KIF26B: variants seen among roughly 807,000 people sequenced by gnomAD.
KIF26B encodes the protein kinesin-like protein KIF26B.
Under a neutral mutation model 151.2 loss-of-function variants are expected in KIF26B, and 63 were observed. That is an observed-to-expected ratio of 0.42 (90% confidence interval 0.34 to 0.51). The LOEUF (loss-of-function observed/expected upper bound fraction) is 0.51, where lower values mean the gene tolerates loss of function less well. Among genes scored for constraint, KIF26B ranks in the 20% least tolerant of loss-of-function variants. The probability of loss-of-function intolerance (pLI) is 0.07; values close to 1 mark genes in which losing one functional copy is unlikely to be tolerated. For synonymous variants in KIF26B, 1,357 were observed against 1,262.1 expected (o/e 1.08, Z -1.59); for missense variants, 2,813 against 2,913.6 (o/e 0.97, Z 0.79).
At chr1:245,369,373 G>A (rs1254565406) in intron 3 of KIF26B, among the ~76,000 whole-genome samples, 1 of 152,312 alleles carries the variant, frequency 6.6e-6, no homozygotes, top group East Asian at 1.9e-4. Context: ...AAATGTGGTT[G>A]ATAAAATGCC....
At chr1:245,312,893 G>A (rs1055483591) in intron 2 of KIF26B, among the ~76,000 whole-genome samples, 3 of 152,152 alleles carry the variant, frequency 2.0e-5, no homozygotes, top group African/African-American at 7.2e-5. Flanking sequence ...CGGGCGCCGT[G>A]GCTCAGGACT....
chr1:245,504,981 C>T (rs909350838), intron 4 of KIF26B, among the ~76,000 whole-genome samples: 2 of 152,182 alleles, frequency 1.3e-5, no homozygotes, highest in Admixed American at 6.5e-5. Flanking sequence ...CTCTGTCACC[C>T]AGGCTGGAGT....
intron 2 of KIF26B, among the ~76,000 whole-genome samples, chr1:245,272,434 T>C (rs1369158936): frequency 6.6e-6 from 1 of 152,162 alleles, no homozygotes; most frequent in Non-Finnish European, 1.5e-5. Flanking sequence ...AAACAGATCA[T>C]TAATTTTGTT....
chr1:245,258,051 C>T (rs1396554145), intron 2 of KIF26B, among the ~76,000 whole-genome samples: 3 of 151,966 alleles, frequency 2.0e-5, no homozygotes, highest in Non-Finnish European at 2.9e-5. Flanking sequence ...AGAAGCTTCT[C>T]GATCTTGTCA....
chr1:245,519,008 G>A (rs951705637), intron 4 of KIF26B, among the ~76,000 whole-genome samples: 2 of 152,122 alleles, frequency 1.3e-5, no homozygotes, highest in African/African-American at 4.8e-5. Flanking sequence ...TAAGATACTG[G>A]CTTTACCCCG....
At chr1:245,365,210 G>A (rs781509527) in intron 2 of KIF26B, among the ~76,000 whole-genome samples, 15 of 152,184 alleles carry the variant, frequency 9.9e-5, no homozygotes, top group East Asian at 3.9e-4. Context: ...CGAGGAGGAC[G>A]CCTCGAGACA....
intron 5 of KIF26B, among the ~76,000 whole-genome samples, chr1:245,577,705 T>C (rs113279907): frequency 1.2e-3 from 118 of 101,936 alleles, no homozygotes; most frequent in East Asian, 1.5e-3. Context: ...GCGATGCATC[T>C]CCTCACCGGA....
intron 2 of KIF26B, among the ~76,000 whole-genome samples, chr1:245,229,900 C>T (rs894187810): frequency 8.5e-5 from 13 of 152,050 alleles, no homozygotes; most frequent in South Asian, 6.2e-4. Flanking sequence ...TTTGGGAGGC[C>T]GAGGTGGGCG....
chr1:245,344,774 C>T (rs1456407746), intron 2 of KIF26B, among the ~76,000 whole-genome samples: 2 of 152,096 alleles, frequency 1.3e-5, no homozygotes, highest in East Asian at 3.9e-4. Context: ...AGACAGACTG[C>T]ATACCGCGGC....
At chr1:245,236,958 G>A (rs7547212) in intron 2 of KIF26B, among the ~76,000 whole-genome samples, 55,896 of 151,992 alleles carry the variant, frequency 0.37, 10,637 homozygotes, top group East Asian at 0.62. Context: ...GAAGTAAAGT[G>A]ACTTGTCTGA....
intron 2 of KIF26B, among the ~76,000 whole-genome samples, chr1:245,184,587 T>C (rs938693151): frequency 1.3e-5 from 2 of 152,240 alleles, no homozygotes; most frequent in Admixed American, 6.5e-5. Flanking sequence ...TCATCTGTCC[T>C]GTGTAAAAAT....
chr1:245,161,696 C>T (rs917614543), intron 2 of KIF26B, among the ~76,000 whole-genome samples: 2 of 152,094 alleles, frequency 1.3e-5, no homozygotes, highest in South Asian at 4.1e-4. Context: ...CTTTTTTACC[C>T]TGGAATTCCA....
At chr1:245,401,964 A>G (rs1254400670) in intron 3 of KIF26B, among the ~76,000 whole-genome samples, 1 of 152,048 alleles carries the variant, frequency 6.6e-6, no homozygotes, top group Non-Finnish European at 1.5e-5. Flanking sequence ...AAAACACCCC[A>G]CTGCAAATAG....
At chr1:245,568,479 C>T (rs893550717) in intron 5 of KIF26B, among the ~76,000 whole-genome samples, 2 of 152,212 alleles carry the variant, frequency 1.3e-5, no homozygotes, top group Admixed American at 1.3e-4. Flanking sequence ...CCCTGCCCTT[C>T]AGCCTGGGCA....
chr1:245,488,089 T>C lies in KIF26B; in HGVS notation c.1167-52678T>C, dbSNP rs2103072493. Among the ~76,000 whole-genome samples, 1 of 152,162 alleles carries C rather than the reference T, an allele frequency of 6.6e-6. No individual in the cohort carries two copies. The highest frequency in any genetic ancestry group is 3.4e-3 in the Middle Eastern group (1 of 294). ...AGGCATGAGCTGCCACGCCCGGCCA[T>C]GTATCTTTTTAAGTACAGGTGGAGG... is the stretch of plus-strand genomic sequence containing the variant. On this transcript the variant is annotated intron_variant, in intron 4 of 14. Coordinates refer to ENST00000407071, the MANE Select transcript of KIF26B (RefSeq NM_018012.4). This position sits in a 1 kb window ranked among gnomAD's most constrained non-coding sequence, Gnocchi z 4.6.
intron 4 of KIF26B, among the ~76,000 whole-genome samples, chr1:245,502,595 T>C (rs2103079607): frequency 6.6e-6 from 1 of 152,002 alleles, no homozygotes; most frequent in East Asian, 1.9e-4. Flanking sequence ...ATGACTAGTT[T>C]AGACTGCAAG....
At chr1:245,625,904 T>A (rs1400696580) in intron 9 of KIF26B, among the ~76,000 whole-genome samples, 1 of 152,116 alleles carries the variant, frequency 6.6e-6, no homozygotes, top group Non-Finnish European at 1.5e-5. Flanking sequence ...ACATGCAATA[T>A]TTGTCTTTCT....
chr1:245,215,407 C>T (rs566370406), intron 2 of KIF26B, among the ~76,000 whole-genome samples: 6 of 152,168 alleles, frequency 3.9e-5, no homozygotes, highest in South Asian at 2.1e-4. Context: ...CTGCCTGATG[C>T]GTGAACAGGC....
intron 2 of KIF26B, among the ~76,000 whole-genome samples, chr1:245,265,141 G>A (rs1670721272): frequency 6.6e-6 from 1 of 150,528 alleles, no homozygotes; most frequent in Non-Finnish European, 1.5e-5. Context: ...GGCGGAGCTG[G>A]CAGTGAGTGG....
Sources: gnomAD v4.1 joint callset for allele counts (sites outside exome capture counted in the v4.1 genomes callset) on GRCh38, gnomAD v4.1.1 for gene constraint, Gnocchi (gnomAD v3.1) non-coding constraint, MANE v1.5 for transcripts, NCBI Gene and HGNC (gene_info 2026-07-23, HGNC 2026-07-21) for gene names.